The following PRDM10 variants were observed in gnomAD, a reference collection of about 807,000 sequenced individuals.
The protein encoded by PRDM10 is PR/SET domain 10.
A neutral mutation model predicts 133.1 loss-of-function variants in PRDM10; 65 were observed. The observed-to-expected ratio is 0.49, with a 90% CI of 0.40 to 0.60. The LOEUF (loss-of-function observed/expected upper bound fraction) is 0.60. Among genes scored for constraint, PRDM10 ranks in the 20% least tolerant of loss-of-function variants. The probability of loss-of-function intolerance (pLI) is 0.00; values close to 1 mark genes in which losing one functional copy is unlikely to be tolerated. For synonymous variants in PRDM10, 582 were observed against 580.4 expected, an observed-to-expected ratio of 1.00 and a Z score of -0.04; for missense variants, 1,137 against 1,507.1, an observed-to-expected ratio of 0.75 and a Z score of 4.07.
rs146231666 is a variant in PRDM10, at chr11:129,947,400, C to T, written c.295-30G>A. 370 of 1,610,702 alleles carry T rather than the reference C, an allele frequency of 2.3e-4. 2 individuals carry two copies. In the African/African-American group the frequency reaches 4.7e-3, roughly 20 times the overall value. ...GCAAAAGTTGAAGGCACAGAGTAAG[C>T]AGACATGGACACCTGCTTTTGGTTC... On this transcript the variant is annotated intron_variant, in intron 4 of 20. Coordinates refer to ENST00000360871, the MANE Select transcript of PRDM10 (RefSeq NM_199437.2). This position sits in a 1 kb window ranked among gnomAD's most constrained non-coding sequence, Gnocchi z 4.6.
chr11:129,991,522 A>T (rs1825948993), intron 1 of PRDM10, among the ~76,000 whole-genome samples: 1 of 152,124 alleles, frequency 6.6e-6, no homozygotes, highest in Non-Finnish European at 1.5e-5. Context: ...TGTCTCTACT[A>T]AAAATACAAA....
intron 20 of PRDM10, 65 bp from the exon 21 acceptor site, chr11:129,902,581 G>A (rs1949876218): frequency 1.9e-6 from 3 of 1,542,554 alleles, no homozygotes; most frequent in Non-Finnish European, 2.6e-6. Flanking sequence ...AGCTACTGGG[G>A]AAGGAGGGAG....
intron 8 of PRDM10, 58 bp downstream of exon 8, chr11:129,937,540 T>A: frequency 6.7e-7 from 1 of 1,488,752 alleles, no homozygotes; most frequent in Non-Finnish European, 9.1e-7. Context: ...TTCATAAAGA[T>A]GTGATATATA....
intron 1 of PRDM10, among the ~76,000 whole-genome samples, chr11:129,993,943 C>G (rs1938895628): frequency 6.6e-6 from 1 of 152,076 alleles, no homozygotes; most frequent in Non-Finnish European, 1.5e-5. Flanking sequence ...ATCTATAAAT[C>G]AGTTTCCAGA....
intron 1 of PRDM10, among the ~76,000 whole-genome samples, chr11:129,962,878 G>A (rs1270388240): frequency 6.6e-6 from 1 of 152,174 alleles, no homozygotes. Context: ...GCTGGGTGCA[G>A]TGGTTCACAC....
At chr11:129,982,822 T>C (rs1044854474) in intron 1 of PRDM10, among the ~76,000 whole-genome samples, 77 of 151,854 alleles carry the variant, frequency 5.1e-4, no homozygotes, top group Middle Eastern at 3.2e-3. Flanking sequence ...TAGCTGGGCA[T>C]GGTGGTGCAC....
chr11:129,939,113 T>C (rs1222546673), intron 7 of PRDM10, among the ~76,000 whole-genome samples: 1 of 152,216 alleles, frequency 6.6e-6, no homozygotes, highest in Non-Finnish European at 1.5e-5. Context: ...TACCTGCTCT[T>C]CCTGCACCAT....
At chr11:129,943,301 G>A (rs1419565411) in intron 6 of PRDM10, among the ~76,000 whole-genome samples, 1 of 152,120 alleles carries the variant, frequency 6.6e-6, no homozygotes, top group African/African-American at 2.4e-5. Flanking sequence ...ACTACAAAGT[G>A]GTTTTCTTGC....
chr11:129,935,406 G>C (rs1950997999), intron 8 of PRDM10, among the ~76,000 whole-genome samples, 188 bp from the exon 9 acceptor site: 1 of 152,022 alleles, frequency 6.6e-6, no homozygotes, highest in Admixed American at 6.6e-5. Flanking sequence ...TGCTTTTTAG[G>C]ATCTTATTTT....
rs1261965361 is a variant in PRDM10, at chr11:129,947,528, G to A, written c.295-158C>T. The stretch of plus-strand genomic sequence containing the variant: ...GAAAAATGACTTCCATCTACCGGCT[G>A]TGAGGAAGAGCTGGCTTCATTTTTG... On this transcript the variant is annotated intron_variant, in intron 4 of 20. Transcript: ENST00000360871. This position sits in a 1 kb window ranked among gnomAD's most constrained non-coding sequence, Gnocchi z 4.6. 14 of 1,493,790 alleles carry A rather than the reference G, an allele frequency of 9.4e-6. No individual in the cohort carries two copies. Among genetic ancestry groups the A allele is most frequent in the Non-Finnish European group, 1.2e-5 (14 of 1,125,500 alleles). The allele number at this position is 1,493,790 out of a possible 1,614,324, so 92.5% of individuals were successfully genotyped here.
chr11:129,910,598 G>A lies in PRDM10; in HGVS notation c.3041C>T (p.Ser1014Phe), dbSNP rs1950158096. 2 of 1,613,672 alleles carry A rather than the reference G, an allele frequency of 1.2e-6. No individual in the cohort carries two copies. Among genetic ancestry groups the A allele is most frequent in the African/African-American group, 2.7e-5 (2 of 74,930 alleles). ...AQQAQQGLSPSHIQGSSSTQG... is the reference protein window; with the variant it reads ...AQQAQQGLSPFHIQGSSSTQG... Reference sequence around the variant, plus strand: ...TGTGGAAGAACTGCCCTGGATGTGGGAGGGGCTGAGCCCCTGCTGAGCCTG... The same window carrying A: ...TGTGGAAGAACTGCCCTGGATGTGGAAGGGGCTGAGCCCCTGCTGAGCCTG... The change falls in exon 19 of 21, where the codon TCC (serine) becomes TTC (phenylalanine). Residue 1014 changes from serine (S) to phenylalanine (F), a missense_variant. Coordinates refer to ENST00000360871, the MANE Select transcript of PRDM10 (RefSeq NM_199437.2).
chr11:129,969,605 C>T (rs977571115), intron 1 of PRDM10, among the ~76,000 whole-genome samples: 1 of 150,298 alleles, frequency 6.7e-6, no homozygotes, highest in Non-Finnish European at 1.5e-5. Context: ...ACCAGCCTGG[C>T]CAACATAGTG....
chr11:129,936,967 G>T (rs1951054330), intron 8 of PRDM10, among the ~76,000 whole-genome samples: 1 of 152,158 alleles, frequency 6.6e-6, no homozygotes, highest in Admixed American at 6.5e-5. Context: ...ACACAAATGT[G>T]GATGAATCTC....
At chr11:129,971,009 C>T (rs1263843210) in intron 1 of PRDM10, among the ~76,000 whole-genome samples, 5 of 152,082 alleles carry the variant, frequency 3.3e-5, no homozygotes, top group East Asian at 1.9e-4. Flanking sequence ...AGCCACGTAC[C>T]CTCGCGATGA....
At chr11:129,957,646 T>C in intron 3 of PRDM10, 100 bp downstream of exon 3, 1 of 1,414,028 alleles carries the variant, frequency 7.1e-7, no homozygotes, top group South Asian at 1.3e-5. Flanking sequence ...GAATACGTAC[T>C]GCATCACCAG....
At chr11:129,929,517 A>G (rs1386995338) in intron 11 of PRDM10, 1 of 1,126,884 alleles carries the variant, frequency 8.9e-7, no homozygotes, top group African/African-American at 1.6e-5. Context: ...TGGATAGAAA[A>G]GATGAAAAAA....
rs1354225881 is a variant in PRDM10, at chr11:129,925,145, C to T, written c.1615G>A (p.Asp539Asn). 3 of 1,614,084 alleles carry T rather than the reference C, an allele frequency of 1.9e-6. No homozygotes were observed. Among genetic ancestry groups the T allele is most frequent in the Non-Finnish European group, 2.5e-6 (3 of 1,180,044 alleles). Residue 539 changes from aspartate to asparagine, a missense_variant, in exon 12 of 21, where the codon GAC (aspartate) becomes AAC (asparagine). By Grantham distance (23) the Asp-to-Asn change is conservative. Coordinates refer to ENST00000360871, the MANE Select transcript of PRDM10 (RefSeq NM_199437.2). ...AAGCGTAAGTGCTGGTCCAGTTTGT[C>T]CTTTTCCCGGAAGGCCTTCCCACAC... ...LQCGKAFREK[D>N]KLDQHLRFHG...
chr11:129,994,675 A>G (rs983538863), intron 1 of PRDM10, among the ~76,000 whole-genome samples: 1 of 152,046 alleles, frequency 6.6e-6, no homozygotes, highest in Non-Finnish European at 1.5e-5. Flanking sequence ...TTTTTGAGAC[A>G]GAGCCTCGCT....
intron 17 of PRDM10, 61 bp from the exon 18 acceptor site, chr11:129,912,286 C>A: frequency 1.4e-6 from 2 of 1,387,874 alleles, no homozygotes; most frequent in Non-Finnish European, 9.7e-7. Context: ...TAAGGGAAAT[C>A]CTTCCAGAGA....
Sources: gnomAD v4.1 joint callset for allele counts (sites outside exome capture counted in the v4.1 genomes callset) on GRCh38, gnomAD v4.1.1 for gene constraint, Gnocchi (gnomAD v3.1) non-coding constraint, MANE v1.5 for transcripts, NCBI Gene and HGNC (gene_info 2026-07-23, HGNC 2026-07-21) for gene names.